RXFP1: variants seen among roughly 807,000 people sequenced by gnomAD.
RXFP1 encodes the protein relaxin receptor 1.
RXFP1 carries 73 observed loss-of-function variants against 89.8 expected under a neutral mutation model. The observed-to-expected ratio is 0.81, with a 90% CI of 0.67 to 0.99. The LOEUF (loss-of-function observed/expected upper bound fraction) is 0.99. RXFP1 is among the 50% of genes least tolerant of loss of function. The probability of loss-of-function intolerance (pLI) is 0.00; values close to 1 mark genes in which losing one functional copy is unlikely to be tolerated. For missense variants in RXFP1, 793 were observed against 895.5 expected, an observed-to-expected ratio of 0.89 and a Z score of 1.46; for synonymous variants, 277 against 305.5, an observed-to-expected ratio of 0.91 and a Z score of 0.97.
intron 1 of RXFP1, among the ~76,000 whole-genome samples, chr4:158,535,156 C>A (rs540829897): frequency 6.6e-6 from 1 of 151,908 alleles, no homozygotes; most frequent in Admixed American, 6.6e-5. Context: ...GTACAGCATG[C>A]GCAAGGTCAT....
chr4:158,630,939 A>G (rs1767906565), intron 11 of RXFP1, among the ~76,000 whole-genome samples: 1 of 152,170 alleles, frequency 6.6e-6, no homozygotes. Context: ...GTGACAGAAA[A>G]TCTTTGCCAC....
chr4:158,626,567 A>G (rs1766877364), intron 9 of RXFP1, among the ~76,000 whole-genome samples: 1 of 152,092 alleles, frequency 6.6e-6, no homozygotes, highest in Admixed American at 6.6e-5. Context: ...TCAATTTCTC[A>G]TATACATGCC....
intron 1 of RXFP1, among the ~76,000 whole-genome samples, chr4:158,568,366 G>A (rs922679044): frequency 1.3e-5 from 2 of 152,218 alleles, no homozygotes; most frequent in African/African-American, 4.8e-5. Context: ...ATTCAGAAAA[G>A]TTATGTGGAG....
chr4:158,626,111 T>TCTAGATAGATAGATAG (rs1206675775), intron 9 of RXFP1, among the ~76,000 whole-genome samples: 1 of 136,594 alleles, frequency 7.3e-6, no homozygotes, highest in Non-Finnish European at 1.5e-5. Context: ...TAGATATCTA[T>TCTAGATAGATAGATAG]ATAGATAGAT....
chr4:158,567,336 A>G (rs570993993), intron 1 of RXFP1, among the ~76,000 whole-genome samples: 2 of 152,324 alleles, frequency 1.3e-5, no homozygotes, highest in Non-Finnish European at 2.9e-5. Flanking sequence ...CCTGTGAGCG[A>G]TCCACTGAGT....
intron 1 of RXFP1, among the ~76,000 whole-genome samples, chr4:158,535,541 A>C (rs192981849): frequency 7.6e-4 from 115 of 152,082 alleles, no homozygotes; most frequent in East Asian, 7.4e-3. Context: ...AATGGACTAA[A>C]ATGTGAGAAA....
At chr4:158,601,879 A>G (rs1018349730) in intron 4 of RXFP1, among the ~76,000 whole-genome samples, 3 of 152,180 alleles carry the variant, frequency 2.0e-5, no homozygotes, top group African/African-American at 7.2e-5. Context: ...ACTTTTTTCT[A>G]GCTTGATAAA....
At position 158,648,655 on chromosome 4, in the gene RXFP1, C is replaced by T. The variant is rs1206652214; in HGVS notation, c.1913C>T (p.Ala638Val). 6.2e-7 allele frequency: 1 copy of T among 1,612,636 alleles called. No individual in the cohort carries two copies. ...KRFFFIVFTD[A>V]LCWIPIFVVK... ...TTTTTCTTTATAGTATTTACTGATG[C>T]ATTATGCTGGATACCCATTTTTGTA... The change falls in exon 17 of 18, where the codon GCA becomes GTA. Residue 638 changes from alanine to valine, a missense_variant. By Grantham distance (64) the Ala-to-Val change is moderately conservative. Transcript: ENST00000307765.
Position 158,549,815 on chromosome 4 carries a change from T to C in RXFP1, c.50-22883T>C, listed in dbSNP as rs191183732. On this transcript the variant is annotated intron_variant, in intron 1 of 17. Transcript: ENST00000307765. ...TGCCTGATTGTTCCTCTGGAAGTTT[T>C]GTCTCAGAGGAGTACCCGGCCGTGT... Among the ~76,000 whole-genome samples, 182 of 152,338 alleles carry C rather than the reference T, an allele frequency of 1.2e-3. 1 individual carries two copies. Among genetic ancestry groups the C allele is most frequent in the African/African-American group, 4.2e-3 (174 of 41,574 alleles).
At chr4:158,533,119 G>A (rs549451396) in intron 1 of RXFP1, among the ~76,000 whole-genome samples, 16 of 152,234 alleles carry the variant, frequency 1.1e-4, no homozygotes, top group African/African-American at 3.1e-4. Context: ...TGTGTCCTTC[G>A]TTACTGGATC....
chr4:158,640,112 T>G (rs1484428011), intron 14 of RXFP1, among the ~76,000 whole-genome samples: 1 of 152,190 alleles, frequency 6.6e-6, no homozygotes, highest in Non-Finnish European at 1.5e-5. Flanking sequence ...TAAACAATAA[T>G]TAAAACTCTT....
intron 12 of RXFP1, among the ~76,000 whole-genome samples, chr4:158,636,262 T>A (rs1212524530): frequency 1.3e-5 from 2 of 152,168 alleles, no homozygotes; most frequent in South Asian, 4.1e-4. Context: ...CCCTTTAAAG[T>A]CTACTTTTCA....
Position 158,639,311 on chromosome 4 carries a change from T to A in RXFP1, c.1095T>A (p.Pro365=), listed in dbSNP as rs778004866. The A allele has an allele frequency of 2.6e-6, 4 of 1,554,972 alleles. No homozygotes were observed. In the Admixed American group the frequency reaches 6.7e-5, roughly 26 times the overall value. The stretch of plus-strand genomic sequence containing the variant: ...ATATCCAACAAAGGATGTTTAGACC[T>A]CTTATGAATCTCTCTCACATGTAAG... ...ISNIQQRMFR[P]LMNLSHIYFK... The change falls in exon 14 of 18, where the codon CCT becomes CCA. Residue 365 remains proline (P), a synonymous_variant. Transcript: ENST00000307765.
chr4:158,607,597 T>C (rs571705789), intron 5 of RXFP1, among the ~76,000 whole-genome samples: 3 of 152,364 alleles, frequency 2.0e-5, no homozygotes, highest in African/African-American at 4.8e-5. Context: ...TTACTATGTG[T>C]TAACATTTTA....
intron 1 of RXFP1, among the ~76,000 whole-genome samples, chr4:158,564,315 C>T (rs893294255): frequency 1.8e-4 from 28 of 152,162 alleles, no homozygotes; most frequent in African/African-American, 6.3e-4. Flanking sequence ...TTGTTATATA[C>T]AATCCCTACT....
At chr4:158,544,117 T>A (rs1299620700) in intron 1 of RXFP1, 1 of 980,458 alleles carries the variant, frequency 1.0e-6, no homozygotes, top group Non-Finnish European at 1.2e-6. Context: ...TTTTTTAATT[T>A]ACTTCCTAAA....
intron 1 of RXFP1, among the ~76,000 whole-genome samples, chr4:158,538,903 C>T (rs542810354): frequency 6.6e-6 from 1 of 152,062 alleles, no homozygotes; most frequent in Non-Finnish European, 1.5e-5. Flanking sequence ...CTTCCTTACA[C>T]GTTCCACAGA....
chr4:158,609,677 G>A (rs1346426935), intron 6 of RXFP1, among the ~76,000 whole-genome samples: 1 of 152,142 alleles, frequency 6.6e-6, no homozygotes, highest in African/African-American at 2.4e-5. Context: ...AAGACTGCAG[G>A]AGACTCGAAG....
chr4:158,586,085 T>A (rs1417354895), intron 2 of RXFP1, among the ~76,000 whole-genome samples: 4 of 152,230 alleles, frequency 2.6e-5, no homozygotes, highest in Non-Finnish European at 5.9e-5. Flanking sequence ...AAAATATAGA[T>A]TTCCCAGACT....
Sources: allele counts gnomAD v4.1 joint callset (sites outside exome capture counted in the v4.1 genomes callset), GRCh38; gene constraint gnomAD v4.1.1; transcripts MANE v1.5; gene names NCBI Gene and HGNC (gene_info 2026-07-23, HGNC 2026-07-21).